CTNNA3: variants seen among roughly 807,000 people sequenced by gnomAD.
The protein encoded by CTNNA3 is catenin alpha-3.
CTNNA3 carries 76 observed loss-of-function variants against 95.7 expected under a neutral mutation model. That is an observed-to-expected ratio of 0.79 (90% CI 0.66 to 0.96). CTNNA3 has a LOEUF of 0.96. Ranked by LOEUF, CTNNA3 falls within the 40% of genes least tolerant of loss-of-function variation. The pLI, the probability that CTNNA3 is intolerant of heterozygous loss-of-function variation, is 0.00. For missense variants in CTNNA3, 1,191 were observed against 1,089.8 expected, an observed-to-expected ratio of 1.09 and a Z score of -1.31; for synonymous variants, 431 against 374.4, an observed-to-expected ratio of 1.15 and a Z score of -1.74.
At chr10:66,880,132 G>T (rs921929748) in intron 7 of CTNNA3, among the ~76,000 whole-genome samples, 2 of 152,062 alleles carry the variant, frequency 1.3e-5, no homozygotes, top group African/African-American at 4.8e-5. Flanking sequence ...ATGAAGTCCA[G>T]GGAAGGAAAG....
chr10:67,699,850 G>A (rs940658821), upstream of CTNNA3, among the ~76,000 whole-genome samples: 14 of 152,212 alleles, frequency 9.2e-5, no homozygotes, highest in South Asian at 2.1e-4. Flanking sequence ...ACAACGGGTC[G>A]GGGAGTTCCC....
At chr10:66,332,008 T>C (rs2092336436) in intron 12 of CTNNA3, among the ~76,000 whole-genome samples, 3 of 152,022 alleles carry the variant, frequency 2.0e-5, no homozygotes, top group Non-Finnish European at 4.4e-5. Flanking sequence ...TTTGAAGCAA[T>C]TGTGAATGGG....
intron 5 of CTNNA3, among the ~76,000 whole-genome samples, chr10:67,375,034 G>A (rs957282127): frequency 2.0e-5 from 3 of 152,026 alleles, no homozygotes; most frequent in African/African-American, 7.2e-5. Context: ...GTTTGACACC[G>A]ACATACTAAA....
At chr10:67,546,275 G>T (rs1038176988) in intron 3 of CTNNA3, among the ~76,000 whole-genome samples, 5 of 151,964 alleles carry the variant, frequency 3.3e-5, no homozygotes, top group Non-Finnish European at 7.4e-5. Flanking sequence ...GAGACTACAG[G>T]TATGCATCAC....
At chr10:66,951,197 C>A (rs1848522936) in intron 7 of CTNNA3, among the ~76,000 whole-genome samples, 1 of 151,554 alleles carries the variant, frequency 6.6e-6, no homozygotes, top group Non-Finnish European at 1.5e-5. Flanking sequence ...TTCACTGCAA[C>A]CTCTGCCTCC....
intron 7 of CTNNA3, among the ~76,000 whole-genome samples, chr10:66,947,953 T>C (rs190562431): frequency 3.9e-5 from 6 of 152,338 alleles, no homozygotes; most frequent in East Asian, 1.9e-4. Context: ...CTAGGCTATA[T>C]GGTATAGGCT....
In CTNNA3 at chr10:66,775,432, C is replaced by T. The variant is rs1283953721; in HGVS notation, c.1128+12G>A. 2.5e-6 allele frequency: 4 copies of T among 1,587,934 alleles called. No homozygotes were observed. The highest frequency in any genetic ancestry group is 1.7e-5 in the Admixed American group (1 of 58,586). ...CCTATGTTTCTGACTCCATATCTCT[C>T]TCTTCCCTCACCTGTCTGCGAAGGT... On this transcript the variant is annotated intron_variant, in intron 8 of 17. Transcript: ENST00000433211.
At chr10:67,230,828 G>A (rs74951050) in intron 5 of CTNNA3, among the ~76,000 whole-genome samples, 9 of 152,216 alleles carry the variant, frequency 5.9e-5, no homozygotes, top group Non-Finnish European at 1.3e-4. Flanking sequence ...CACCGTGCGC[G>A]AGCCGAAGCA....
intron 12 of CTNNA3, among the ~76,000 whole-genome samples, chr10:66,343,835 T>C (rs923199297): frequency 4.6e-5 from 7 of 152,046 alleles, no homozygotes; most frequent in Admixed American, 4.6e-4. Flanking sequence ...TACTCATAAG[T>C]ATGTGCAATT....
At chr10:67,027,602 C>G (rs150833588) in intron 7 of CTNNA3, among the ~76,000 whole-genome samples, 2 of 151,648 alleles carry the variant, frequency 1.3e-5, no homozygotes, top group Non-Finnish European at 2.9e-5. Flanking sequence ...GCCCAGCTAA[C>G]TTTTTTGTAT....
chr10:67,130,009 G>T (rs187511415), intron 7 of CTNNA3, among the ~76,000 whole-genome samples: 40 of 152,094 alleles, frequency 2.6e-4, no homozygotes, highest in Non-Finnish European at 4.9e-4. Flanking sequence ...AAATGAAAAA[G>T]AGAATGTCTT....
intron 10 of CTNNA3, among the ~76,000 whole-genome samples, chr10:66,541,548 G>T (rs1002896167): frequency 4.6e-5 from 7 of 151,962 alleles, no homozygotes; most frequent in African/African-American, 7.3e-5. Context: ...ATCTATTAAA[G>T]GATTTTAATG....
At chr10:67,578,996 GATATATATATATATATATATAT>G (rs533690910) in intron 3 of CTNNA3, among the ~76,000 whole-genome samples, 15 of 87,358 alleles carry the variant, frequency 1.7e-4, no homozygotes, top group Admixed American at 9.9e-4. Context: ...TGATCATAGT[GATATATATATATATATATATAT>G]ATATATATAT....
At chr10:66,783,052 G>A (rs1016819523) in intron 7 of CTNNA3, among the ~76,000 whole-genome samples, 12 of 152,112 alleles carry the variant, frequency 7.9e-5, no homozygotes, top group African/African-American at 2.9e-4. Context: ...CTAACAGTGT[G>A]TGGCATTAGA....
chr10:66,977,147 T>C (rs563218553), intron 7 of CTNNA3, among the ~76,000 whole-genome samples: 3 of 152,110 alleles, frequency 2.0e-5, no homozygotes, highest in Admixed American at 2.0e-4. Flanking sequence ...GGGTAGAATA[T>C]ATAAAGGTTG....
At chr10:67,483,721 C>T (rs1168472467) in intron 5 of CTNNA3, among the ~76,000 whole-genome samples, 1 of 147,066 alleles carries the variant, frequency 6.8e-6, no homozygotes, top group Admixed American at 6.8e-5. Context: ...AACTAACCTG[C>T]ACATTGTGCA....
intron 13 of CTNNA3, among the ~76,000 whole-genome samples, chr10:66,163,458 C>A (rs1462341951): frequency 6.6e-6 from 1 of 152,132 alleles, no homozygotes; most frequent in Admixed American, 6.5e-5. Context: ...TCAGAAATTT[C>A]TCCTGCAAAC....
At chr10:66,875,953 C>T (rs1398567101) in intron 7 of CTNNA3, among the ~76,000 whole-genome samples, 1 of 152,122 alleles carries the variant, frequency 6.6e-6, no homozygotes, top group Non-Finnish European at 1.5e-5. Context: ...TGGTGTGTGG[C>T]TCATTGGCTG....
At position 66,292,785 on chromosome 10, in the gene CTNNA3, G is replaced by A. The variant is rs907704914; in HGVS notation, c.1733-12164C>T. ...CCTCTGGAATTCTCCAAATCATCAT[G>A]AGGCTGCCTGCAAATGTAGAGAGAA... On this transcript the variant is annotated intron_variant, in intron 12 of 17. Transcript: ENST00000433211. 3.9e-5 allele frequency among the ~76,000 whole-genome samples: 6 copies of A among 152,214 alleles called. No individual in the cohort carries two copies. The Middle Eastern group carries it at 0.014, about 345-fold the overall frequency.
Sources: allele counts gnomAD v4.1 joint callset (sites outside exome capture counted in the v4.1 genomes callset), GRCh38; gene constraint gnomAD v4.1.1; transcripts MANE v1.5; gene names NCBI Gene and HGNC (gene_info 2026-07-23, HGNC 2026-07-21).